Variants in GRIK4 observed in about 807,000 individuals in gnomAD.
GRIK4 encodes the protein glutamate receptor ionotropic, kainate 4.
GRIK4 carries 40 observed loss-of-function variants against 104.9 expected under a neutral mutation model. The ratio of observed to expected loss-of-function variants is 0.38; its 90% CI spans 0.30 to 0.50. The LOEUF is 0.50. GRIK4 is among the 20% of genes least tolerant of loss of function. The pLI is 0.93. For synonymous variants in GRIK4, 485 were observed against 524.9 expected (o/e 0.92, Z 1.04); for missense variants, 1,047 against 1,308.1 (o/e 0.80, Z 3.08).
At chr11:120,729,145 CT>C (rs1329485342) in intron 3 of GRIK4, among the ~76,000 whole-genome samples, 1 of 152,122 alleles carries the variant, frequency 6.6e-6, no homozygotes, top group African/African-American at 2.4e-5. Context: ...ACCACATTTT[CT>C]TTATCCATTC....
At chr11:120,842,762 T>G (rs960942894) in intron 8 of GRIK4, among the ~76,000 whole-genome samples, 4 of 152,256 alleles carry the variant, frequency 2.6e-5, no homozygotes, top group African/African-American at 9.6e-5. Flanking sequence ...CCTCTGGGTT[T>G]GGTTGGGGGA....
At position 120,729,279 on chromosome 11, in the gene GRIK4, G is replaced by A. The variant is rs902853774; in HGVS notation, c.82+68879G>A. On this transcript the variant is annotated intron_variant, in intron 3 of 20. Coordinates refer to ENST00000527524, the MANE Select transcript of GRIK4 (RefSeq NM_014619.5). ...TTCCTTTCTTTTGGGTACATACCTAGCAGTGGATTCCTGGATTGTATGGTA... is the reference window on the plus strand; with the variant it reads ...TTCCTTTCTTTTGGGTACATACCTAACAGTGGATTCCTGGATTGTATGGTA... Among the ~76,000 whole-genome samples the A allele has an allele frequency of 2.0e-5, 3 of 152,168 alleles. No homozygotes were observed. In the East Asian group the frequency reaches 5.8e-4, roughly 29 times the overall value.
intron 1 of GRIK4, among the ~76,000 whole-genome samples, chr11:120,617,539 C>T (rs1949132118): frequency 3.9e-5 from 6 of 152,124 alleles, no homozygotes; most frequent in Admixed American, 3.9e-4. Flanking sequence ...GCCACTACAC[C>T]TGGCTAATTT....
At chr11:120,652,344 G>A (rs773529642) in intron 1 of GRIK4, among the ~76,000 whole-genome samples, 17 of 152,204 alleles carry the variant, frequency 1.1e-4, no homozygotes, top group Non-Finnish European at 2.1e-4. Flanking sequence ...TGAGCACCCA[G>A]GTTCCTGATT....
rs986279590 is a variant in GRIK4 at position 120,940,654 on chromosome 11, G to A, written c.1590+194G>A. On this transcript the variant is annotated intron_variant, in intron 14 of 20. Transcript: ENST00000527524. The surrounding 1 kb of genome is among the most constrained non-coding windows in gnomAD (Gnocchi z 4.3). Reference sequence around the variant, plus strand: ...AGGGATGGAAAAGTCATGCTTGTGGGCTTTCCAGTAAAAATTACTTCTGCC... The same window carrying A: ...AGGGATGGAAAAGTCATGCTTGTGGACTTTCCAGTAAAAATTACTTCTGCC... Among the ~76,000 whole-genome samples the A allele has an allele frequency of 1.3e-5, 2 of 152,166 alleles. No individual in the cohort carries two copies. Among genetic ancestry groups the A allele is most frequent in the South Asian group, 2.1e-4 (1 of 4,822 alleles).
At position 120,660,312 on chromosome 11, in the gene GRIK4, A is replaced by C; in HGVS notation, c.-7A>C. ...CCAGCAGGGGGCTCCATGAGGATTCATAGAAGATGCCCCGCGTCTCGGCGC... is the reference window on the plus strand; with the variant it reads ...CCAGCAGGGGGCTCCATGAGGATTCCTAGAAGATGCCCCGCGTCTCGGCGC... On this transcript the variant is annotated 5_prime_UTR_variant, in exon 3 of 21. Coordinates refer to ENST00000527524, the MANE Select transcript of GRIK4 (RefSeq NM_014619.5). The C allele has an allele frequency of 6.2e-7, 1 of 1,610,700 alleles. No individual in the cohort carries two copies. The highest frequency in any genetic ancestry group is 8.5e-7 in the Non-Finnish European group (1 of 1,177,604).
At chr11:120,883,253 A>G (rs772386391) in intron 11 of GRIK4, among the ~76,000 whole-genome samples, 1 of 152,164 alleles carries the variant, frequency 6.6e-6, no homozygotes, top group Non-Finnish European at 1.5e-5. Flanking sequence ...CAACAGGGAC[A>G]CCAGAGCCCT....
intron 13 of GRIK4, among the ~76,000 whole-genome samples, chr11:120,909,712 C>A (rs1942950930): frequency 6.6e-6 from 1 of 152,110 alleles, no homozygotes; most frequent in Non-Finnish European, 1.5e-5. Context: ...TGGGGTTGAC[C>A]AAGGAATCTC....
At chr11:120,678,696 C>T (rs12419499) in intron 3 of GRIK4, among the ~76,000 whole-genome samples, 603 of 151,830 alleles carry the variant, frequency 4.0e-3, no homozygotes, top group Non-Finnish European at 6.2e-3. Context: ...TAAAGTGGCA[C>T]GATCTTGGCT....
rs976462143 is a variant in GRIK4, at chr11:120,953,538, G to A, written c.1700+574G>A. Among the ~76,000 whole-genome samples, 17 of 152,184 alleles carry A rather than the reference G, an allele frequency of 1.1e-4. No individual in the cohort carries two copies. The highest frequency in any genetic ancestry group is 4.1e-4 in the African/African-American group (17 of 41,436). ...AATGGGAACCATGGAGGCTGCTGGC[G>A]GGTGGCAAGGAGACGGGATGGAGAG... On this transcript the variant is annotated intron_variant, in intron 15 of 20. Coordinates refer to ENST00000527524, the MANE Select transcript of GRIK4 (RefSeq NM_014619.5). This position sits in a 1 kb window ranked among gnomAD's most constrained non-coding sequence, Gnocchi z 4.9.
intron 9 of GRIK4, 56 bp downstream of exon 9, chr11:120,862,176 C>G: frequency 6.7e-7 from 1 of 1,481,760 alleles, no homozygotes; most frequent in Non-Finnish European, 9.3e-7. Context: ...CATTGCCCCT[C>G]TGTGGGCCAA....
rs149243449 is a variant in GRIK4, at chr11:120,796,346, A to G, written c.83-6347A>G. Among the ~76,000 whole-genome samples, 939 of 152,100 alleles carry G rather than the reference A, an allele frequency of 6.2e-3. 2 individuals carry two copies. Among genetic ancestry groups the G allele is most frequent in the Non-Finnish European group, 9.8e-3 (664 of 68,004 alleles). On this transcript the variant is annotated intron_variant, in intron 3 of 20. Transcript: ENST00000527524. ...CATCGTGCCTGGCCTTTTCCTGAAT[A>G]TTTTCAATCCACGGTTGCTTGAATC...
chr11:120,743,233 G>GAA (rs1160708566), intron 3 of GRIK4, among the ~76,000 whole-genome samples: 8 of 105,968 alleles, frequency 7.5e-5, no homozygotes, highest in South Asian at 2.9e-4. Flanking sequence ...CTGTCTCAGA[G>GAA]AAAAAAAAAA....
chr11:120,833,418 C>T (rs892289260), intron 7 of GRIK4, among the ~76,000 whole-genome samples: 2 of 152,188 alleles, frequency 1.3e-5, no homozygotes, highest in African/African-American at 4.8e-5. Context: ...CACCAAGTTT[C>T]ACGAGAGGAG....
intron 13 of GRIK4, among the ~76,000 whole-genome samples, chr11:120,924,072 C>A (rs1943286187): frequency 6.6e-6 from 1 of 152,218 alleles, no homozygotes; most frequent in South Asian, 2.1e-4. Context: ...GTGTTCGCAG[C>A]AGGCAGAGTT....
intron 12 of GRIK4, 98 bp downstream of exon 12, chr11:120,898,737 C>G (rs1315560593): frequency 5.6e-6 from 4 of 711,730 alleles, no homozygotes; most frequent in Non-Finnish European, 7.7e-6. Context: ...GATGGGAGCT[C>G]TAATCACAGC....
intron 11 of GRIK4, among the ~76,000 whole-genome samples, chr11:120,875,917 C>T (rs1954775741): frequency 6.6e-6 from 1 of 152,062 alleles, no homozygotes; most frequent in South Asian, 2.1e-4. Context: ...CTCGCCATCA[C>T]CCTAATATTC....
At chr11:120,643,962 C>T (rs1284113876) in intron 1 of GRIK4, among the ~76,000 whole-genome samples, 1 of 149,850 alleles carries the variant, frequency 6.7e-6, no homozygotes, top group Non-Finnish European at 1.5e-5. Context: ...TCTAACAATG[C>T]AGATAATAGT....
chr11:120,780,813 C>G (rs1188868130), intron 3 of GRIK4, among the ~76,000 whole-genome samples: 1 of 152,134 alleles, frequency 6.6e-6, no homozygotes, highest in Non-Finnish European at 1.5e-5. Context: ...ACGATCTCAG[C>G]TCACTGCAAG....
Sources: allele counts gnomAD v4.1 joint callset (sites outside exome capture counted in the v4.1 genomes callset), GRCh38; gene constraint gnomAD v4.1.1; non-coding constraint Gnocchi (gnomAD v3.1); transcripts MANE v1.5; gene names NCBI Gene and HGNC (gene_info 2026-07-23, HGNC 2026-07-21).